LRRC28: variants seen among roughly 807,000 people sequenced by gnomAD.
The protein encoded by LRRC28 is leucine-rich repeat-containing protein 28.
Under a neutral mutation model 45.7 loss-of-function variants are expected in LRRC28, and 39 were observed. The ratio of observed to expected loss-of-function variants is 0.85; its 90% CI spans 0.66 to 1.12. The LOEUF is 1.12. LRRC28 is among the 50% of genes most tolerant of loss of function. The pLI is 0.00. For missense variants in LRRC28, 435 were observed against 438.5 expected (o/e 0.99, Z 0.07); for synonymous variants, 206 against 178.8 (o/e 1.15, Z -1.22).
chr15:99,311,259 A>G (rs1955399533), intron 5 of LRRC28, among the ~76,000 whole-genome samples: 2 of 152,220 alleles, frequency 1.3e-5, no homozygotes, highest in Admixed American at 1.3e-4. Context: ...CACTTGTGGC[A>G]TCATGTTGGC....
intron 6 of LRRC28, chr15:99,338,414 CTT>C (rs1469155766): frequency 6.6e-6 from 1 of 152,296 alleles, no homozygotes; most frequent in African/African-American, 2.4e-5. Flanking sequence ...TTCTTAGAAA[CTT>C]AGCAAATAGG....
At position 99,280,330 on chromosome 15, in the gene LRRC28, G is replaced by C. The variant is rs796837973; in HGVS notation, c.209+3714G>C. Among the ~76,000 whole-genome samples the C allele has an allele frequency of 4.1e-4, 62 of 151,954 alleles. 1 individual carries two copies. The highest frequency in any genetic ancestry group is 1.5e-3 in the African/African-American group (62 of 41,470). ...CCAGTTTATCATTTTTTGCTTTGAT[G>C]TGTCATGCTTTTGATGGCAAGTCTA... On this transcript the variant is annotated intron_variant, in intron 3 of 9. Coordinates refer to ENST00000301981, the MANE Select transcript of LRRC28 (RefSeq NM_144598.5).
chr15:99,271,798 C>T (rs1194150412), intron 2 of LRRC28, among the ~76,000 whole-genome samples: 1 of 152,106 alleles, frequency 6.6e-6, no homozygotes, highest in African/African-American at 2.4e-5. Context: ...GAGGTTTGAC[C>T]ATGTTGGTCG....
chr15:99,281,644 T>C (rs1439615336), intron 3 of LRRC28, among the ~76,000 whole-genome samples: 1 of 152,220 alleles, frequency 6.6e-6, no homozygotes, highest in Non-Finnish European at 1.5e-5. Flanking sequence ...TAATACTTTT[T>C]GATTGGATGG....
chr15:99,275,538 A>C (rs1230219838), intron 2 of LRRC28, among the ~76,000 whole-genome samples: 1 of 152,204 alleles, frequency 6.6e-6, no homozygotes, highest in Non-Finnish European at 1.5e-5. Context: ...AGGATATATT[A>C]GTTTTTCAGG....
intron 5 of LRRC28, among the ~76,000 whole-genome samples, chr15:99,299,058 G>C (rs1597280320): frequency 6.6e-6 from 1 of 152,284 alleles, no homozygotes; most frequent in Non-Finnish European, 1.5e-5. Context: ...ATGTGGCATG[G>C]AGTAATTTCT....
chr15:99,366,164 G>A (rs1957335022), intron 9 of LRRC28, among the ~76,000 whole-genome samples: 1 of 152,156 alleles, frequency 6.6e-6, no homozygotes, highest in Non-Finnish European at 1.5e-5. Context: ...TTGTATCTCA[G>A]TTTTGGAGGC....
At chr15:99,332,101 CT>C (rs1354034546) in intron 5 of LRRC28, 1 of 151,838 alleles carries the variant, frequency 6.6e-6, no homozygotes, top group Non-Finnish European at 1.5e-5. Context: ...TTTCTTTTTT[CT>C]TTGTATTTCT....
chr15:99,337,471 C>T (rs1041695666), intron 6 of LRRC28, among the ~76,000 whole-genome samples: 6 of 152,268 alleles, frequency 3.9e-5, no homozygotes, highest in African/African-American at 1.4e-4. Flanking sequence ...GCATTTTCTG[C>T]ATGCACCATG....
chr15:99,267,462 G>A (rs553970074), intron 2 of LRRC28, among the ~76,000 whole-genome samples: 1 of 152,280 alleles, frequency 6.6e-6, no homozygotes, highest in South Asian at 2.1e-4. Flanking sequence ...AGGACTTCTT[G>A]TTTTTCTCCA....
chr15:99,374,091 T>A (rs1030268005), intron 9 of LRRC28, among the ~76,000 whole-genome samples: 3 of 152,192 alleles, frequency 2.0e-5, no homozygotes, highest in African/African-American at 7.2e-5. Context: ...GGCCCTACAC[T>A]TTTCCACTGA....
intron 6 of LRRC28, among the ~76,000 whole-genome samples, chr15:99,336,802 C>G (rs1956339084): frequency 6.6e-6 from 1 of 152,208 alleles, no homozygotes. Flanking sequence ...GCCCCTGCAA[C>G]TTCAGCAGAA....
chr15:99,258,158 G>A, intron 2 of LRRC28: 1 of 1,612,484 alleles, frequency 6.2e-7, no homozygotes, highest in Non-Finnish European at 8.5e-7. Flanking sequence ...CAAAATGACT[G>A]AAGCACAGGA....
intron 5 of LRRC28, among the ~76,000 whole-genome samples, chr15:99,319,897 G>A (rs912724059): frequency 6.6e-6 from 1 of 151,948 alleles, no homozygotes. Context: ...TCTGCCTCCT[G>A]GGTTCAAGCT....
At chr15:99,319,203 G>A (rs1955705427) in intron 5 of LRRC28, among the ~76,000 whole-genome samples, 1 of 152,082 alleles carries the variant, frequency 6.6e-6, no homozygotes, top group Non-Finnish European at 1.5e-5. Context: ...GACACCTAGT[G>A]GCCTCATTCA....
chr15:99,310,884 C>T (rs1955381880), intron 5 of LRRC28, among the ~76,000 whole-genome samples: 1 of 152,174 alleles, frequency 6.6e-6, no homozygotes, highest in South Asian at 2.1e-4. Flanking sequence ...ACAAATGCTT[C>T]CTATTTTTCT....
At chr15:99,276,058 T>A (rs2081609308) in intron 2 of LRRC28, among the ~76,000 whole-genome samples, 1 of 151,998 alleles carries the variant, frequency 6.6e-6, no homozygotes, top group Non-Finnish European at 1.5e-5. Flanking sequence ...ACTGCACATG[T>A]GAGTGATCTA....
intron 5 of LRRC28, among the ~76,000 whole-genome samples, chr15:99,293,451 G>A (rs1162535174): frequency 6.6e-6 from 1 of 151,762 alleles, no homozygotes; most frequent in East Asian, 1.9e-4. Flanking sequence ...AAATTAGCCA[G>A]GCGTGGTGGC....
chr15:99,253,729 T>C (rs2080934077), intron 1 of LRRC28, among the ~76,000 whole-genome samples: 1 of 152,214 alleles, frequency 6.6e-6, no homozygotes, highest in Admixed American at 6.5e-5. Flanking sequence ...CTGGGATTAA[T>C]GTGTTGGAAG....
Sources: allele counts gnomAD v4.1 joint callset (sites outside exome capture counted in the v4.1 genomes callset), GRCh38; gene constraint gnomAD v4.1.1; transcripts MANE v1.5; gene names NCBI Gene and HGNC (gene_info 2026-07-23, HGNC 2026-07-21).